The following PALMD variants were observed in gnomAD, a reference collection of about 807,000 sequenced individuals.
The protein encoded by PALMD is paralemmin-like protein.
A neutral mutation model predicts 56.2 loss-of-function variants in PALMD; 42 were observed. That is an observed-to-expected ratio of 0.75 (90% CI 0.58 to 0.97). The LOEUF is 0.97. Among genes scored for constraint, PALMD ranks in the 50% least tolerant of loss-of-function variants. The pLI is 0.00. For synonymous variants in PALMD, 242 were observed against 222.9 expected (o/e 1.09, Z -0.76); for missense variants, 660 against 643.8 (o/e 1.03, Z -0.27).
At chr1:99,679,911 A>C (rs920784827) in intron 3 of PALMD, among the ~76,000 whole-genome samples, 1 of 152,206 alleles carries the variant, frequency 6.6e-6, no homozygotes, top group African/African-American at 2.4e-5. Context: ...GGTTGCTGTA[A>C]GGACGAAATA....
chr1:99,667,636 C>A lies in PALMD; in HGVS notation c.127-6C>A. The A allele has an allele frequency of 6.2e-7, 1 of 1,610,708 alleles. No individual in the cohort carries two copies. ...AAGAACATATCTTTATGTTTCCTGA[C>A]ATCAGAAAAAGGCCTTGAGGGAGAA... On this transcript the variant is annotated splice_polypyrimidine_tract_variant and splice_region_variant and intron_variant, in intron 2 of 7. Transcript: ENST00000263174.
intron 3 of PALMD, among the ~76,000 whole-genome samples, chr1:99,683,054 A>AGAG (rs1653392774): frequency 7.6e-5 from 2 of 26,276 alleles, no homozygotes; most frequent in Admixed American, 9.3e-4. Context: ...GAAAGAAAGA[A>AGAG]AGAGAGAGAG....
At chr1:99,666,947 G>A (rs974044483) in intron 2 of PALMD, among the ~76,000 whole-genome samples, 1 of 152,064 alleles carries the variant, frequency 6.6e-6, no homozygotes, top group Non-Finnish European at 1.5e-5. Context: ...TGTTGTTAAA[G>A]TTGACAAAAA....
At chr1:99,668,363 A>T (rs1002460458) in intron 3 of PALMD, 1 of 152,402 alleles carries the variant, frequency 6.6e-6, no homozygotes, top group African/African-American at 2.4e-5. Context: ...TACCTCTCTG[A>T]GCCTATTTCC....
At chr1:99,674,922 T>C (rs116202132) in intron 3 of PALMD, among the ~76,000 whole-genome samples, 217 of 152,352 alleles carry the variant, frequency 1.4e-3, no homozygotes, top group African/African-American at 5.0e-3. Context: ...CCACCAGGCC[T>C]AGACTTCTGC....
At chr1:99,655,400 T>A (rs1402425546) in intron 1 of PALMD, among the ~76,000 whole-genome samples, 2 of 151,946 alleles carry the variant, frequency 1.3e-5, no homozygotes, top group East Asian at 1.9e-4. Context: ...ATAGTGTGAG[T>A]TTTAAACGCT....
intron 3 of PALMD, among the ~76,000 whole-genome samples, chr1:99,671,991 T>C (rs942335865): frequency 8.5e-5 from 13 of 152,208 alleles, no homozygotes; most frequent in African/African-American, 3.1e-4. Flanking sequence ...TCTATACTTT[T>C]ATAGCATTTT....
At chr1:99,654,633 A>T (rs1444278605) in intron 1 of PALMD, among the ~76,000 whole-genome samples, 1 of 152,214 alleles carries the variant, frequency 6.6e-6, no homozygotes, top group African/African-American at 2.4e-5. Flanking sequence ...GTCAATTTAT[A>T]TTACTAAACA....
At chr1:99,687,410 AAGGAAGAT>A (rs1653528565) in intron 6 of PALMD, among the ~76,000 whole-genome samples, 2 of 152,190 alleles carry the variant, frequency 1.3e-5, no homozygotes, top group Admixed American at 6.6e-5. Context: ...AGACAGGGAT[AAGGAAGAT>A]AGAGACCCAA....
intron 1 of PALMD, among the ~76,000 whole-genome samples, chr1:99,652,144 TATC>T (rs556379899): frequency 6.4e-4 from 97 of 152,368 alleles, no homozygotes; most frequent in Non-Finnish European, 1.1e-3. Context: ...AAGCATATGT[TATC>T]ATTCCCATTT....
At chr1:99,648,799 A>AT (rs1652500032) in intron 1 of PALMD, among the ~76,000 whole-genome samples, 1 of 150,490 alleles carries the variant, frequency 6.6e-6, no homozygotes, top group African/African-American at 2.4e-5. Context: ...AAAAGTCATT[A>AT]TTTTTCACTG....
At chr1:99,659,189 T>C (rs1652792724) in intron 1 of PALMD, among the ~76,000 whole-genome samples, 1 of 152,232 alleles carries the variant, frequency 6.6e-6, no homozygotes, top group South Asian at 2.1e-4. Flanking sequence ...TGTGCTGACT[T>C]TTATCAAATA....
chr1:99,653,743 A>G (rs981983739), intron 1 of PALMD, among the ~76,000 whole-genome samples: 2 of 152,054 alleles, frequency 1.3e-5, no homozygotes, highest in African/African-American at 2.4e-5. Flanking sequence ...CACCCCCCAA[A>G]AAACCCTTTT....
chr1:99,679,136 C>A (rs1324592305), intron 3 of PALMD, among the ~76,000 whole-genome samples: 2 of 152,012 alleles, frequency 1.3e-5, no homozygotes, highest in Non-Finnish European at 2.9e-5. Context: ...TAGGTGTAGT[C>A]CTGGCTTTTA....
intron 3 of PALMD, among the ~76,000 whole-genome samples, chr1:99,682,687 C>A (rs1432887476): frequency 6.6e-6 from 1 of 151,624 alleles, no homozygotes; most frequent in Admixed American, 6.6e-5. Flanking sequence ...GTCTCTATGC[C>A]CCAGGAAAAG....
rs555271290 is a variant in PALMD, at chr1:99,679,574, G to C, written c.252-7102G>C. Reference sequence around the variant, plus strand: ...AGATTAGGACAGAAATATTACCTTTGTATATAATGGGTCAACACGTTTACA... The same window carrying C: ...AGATTAGGACAGAAATATTACCTTTCTATATAATGGGTCAACACGTTTACA... On this transcript the variant is annotated intron_variant, in intron 3 of 7. Transcript: ENST00000263174. 1.2e-4 allele frequency among the ~76,000 whole-genome samples: 18 copies of C among 152,270 alleles called. No individual in the cohort carries two copies. In the South Asian group the frequency reaches 3.7e-3, roughly 32 times the overall value.
intron 1 of PALMD, among the ~76,000 whole-genome samples, chr1:99,648,930 A>G (rs2100851311): frequency 6.6e-6 from 1 of 152,126 alleles, no homozygotes; most frequent in African/African-American, 2.4e-5. Flanking sequence ...AGTAGTTGAA[A>G]TGTGACACTT....
intron 1 of PALMD, among the ~76,000 whole-genome samples, chr1:99,659,754 T>C (rs1398424424): frequency 1.3e-5 from 2 of 152,234 alleles, no homozygotes; most frequent in Non-Finnish European, 1.5e-5. Flanking sequence ...ATGAATATCT[T>C]ATGAGGAAAA....
At chr1:99,649,672 T>A (rs1297757823) in intron 1 of PALMD, among the ~76,000 whole-genome samples, 1 of 152,162 alleles carries the variant, frequency 6.6e-6, no homozygotes, top group Admixed American at 6.5e-5. Flanking sequence ...CCACAGCTAA[T>A]ACATTTTCTT....
Sources: allele counts gnomAD v4.1 joint callset (sites outside exome capture counted in the v4.1 genomes callset), GRCh38; gene constraint gnomAD v4.1.1; transcripts MANE v1.5; gene names NCBI Gene and HGNC (gene_info 2026-07-23, HGNC 2026-07-21).